The following TNFRSF21 variants were observed in gnomAD, a reference collection of about 807,000 sequenced individuals.
TNFRSF21 encodes tumor necrosis factor receptor superfamily member 21.
TNFRSF21 carries 19 observed loss-of-function variants against 45.6 expected under a neutral mutation model. That is an observed-to-expected ratio of 0.42 (90% CI 0.29 to 0.61). TNFRSF21 has a LOEUF of 0.61. TNFRSF21 is among the 20% of genes least tolerant of loss of function. The probability of loss-of-function intolerance (pLI) is 0.23; values close to 1 mark genes in which losing one functional copy is unlikely to be tolerated. For missense variants in TNFRSF21, 737 were observed against 851.5 expected (o/e 0.87, Z 1.67); for synonymous variants, 314 against 335.5 (o/e 0.94, Z 0.70).
intron 3 of TNFRSF21, among the ~76,000 whole-genome samples, chr6:47,271,182 C>T (rs984438872): frequency 1.7e-4 from 26 of 152,046 alleles, no homozygotes; most frequent in African/African-American, 5.6e-4. Context: ...AGATACTCCT[C>T]GAGAAGAGCA....
chr6:47,306,859 C>G (rs145585915), intron 1 of TNFRSF21, among the ~76,000 whole-genome samples: 2 of 152,078 alleles, frequency 1.3e-5, no homozygotes, highest in Admixed American at 6.5e-5. Context: ...AACTGTAATA[C>G]GTGGGCAGGC....
chr6:47,245,692 A>G (rs9463312), intron 4 of TNFRSF21, among the ~76,000 whole-genome samples: 10,393 of 152,210 alleles, frequency 0.068, 536 homozygotes, highest in African/African-American at 0.14. Flanking sequence ...TGACAATGGT[A>G]TATCTTACAA....
At chr6:47,306,685 A>C (rs1324182711) in intron 1 of TNFRSF21, among the ~76,000 whole-genome samples, 2 of 152,196 alleles carry the variant, frequency 1.3e-5, no homozygotes, top group Non-Finnish European at 2.9e-5. Flanking sequence ...ATAAGCTTAT[A>C]GTAAGCTATT....
intron 4 of TNFRSF21, among the ~76,000 whole-genome samples, chr6:47,236,041 G>A (rs1342776626): frequency 6.6e-6 from 1 of 152,260 alleles, no homozygotes; most frequent in East Asian, 1.9e-4. Context: ...CTGGGGGTGT[G>A]CAGTGGAGAG....
At chr6:47,308,543 G>A (rs891371990) in intron 1 of TNFRSF21, among the ~76,000 whole-genome samples, 2 of 152,248 alleles carry the variant, frequency 1.3e-5, no homozygotes, top group Non-Finnish European at 2.9e-5. Flanking sequence ...GAAGTTGAGG[G>A]TAAGTTTTTG....
chr6:47,289,704 A>C (rs896684721), intron 1 of TNFRSF21, among the ~76,000 whole-genome samples: 1 of 152,174 alleles, frequency 6.6e-6, no homozygotes, highest in East Asian at 1.9e-4. Context: ...ACATTTGTCA[A>C]GAATACCAGC....
At chr6:47,290,473 A>C (rs1169336026) in intron 1 of TNFRSF21, among the ~76,000 whole-genome samples, 2 of 152,138 alleles carry the variant, frequency 1.3e-5, no homozygotes, top group Non-Finnish European at 2.9e-5. Flanking sequence ...TCTAAATCTA[A>C]AGTAAAACCA....
intron 3 of TNFRSF21, among the ~76,000 whole-genome samples, chr6:47,266,795 G>A (rs1762338049): frequency 6.6e-6 from 1 of 152,174 alleles, no homozygotes; most frequent in Admixed American, 6.5e-5. Flanking sequence ...ATAAATATTT[G>A]AATCCAAGAC....
At chr6:47,271,641 C>G (rs1762420950) in intron 3 of TNFRSF21, among the ~76,000 whole-genome samples, 1 of 152,122 alleles carries the variant, frequency 6.6e-6, no homozygotes. Flanking sequence ...ATCATAATGA[C>G]AAGATCAAAC....
chr6:47,281,901 G>T (rs1762572341), intron 3 of TNFRSF21, among the ~76,000 whole-genome samples: 1 of 151,692 alleles, frequency 6.6e-6, no homozygotes, highest in Non-Finnish European at 1.5e-5. Context: ...GTAAATAGTT[G>T]TCTTATTCAA....
At chr6:47,264,617 C>T (rs1056319269) in intron 3 of TNFRSF21, among the ~76,000 whole-genome samples, 1 of 152,164 alleles carries the variant, frequency 6.6e-6, no homozygotes, top group Non-Finnish European at 1.5e-5. Context: ...CTCCCAAGGT[C>T]GAAGGCCATG....
rs576488471 is a variant in TNFRSF21 at position 47,253,777 on chromosome 6, C to G, written c.1244-256G>C. On this transcript the variant is annotated intron_variant, in intron 3 of 5. Coordinates refer to ENST00000296861, the MANE Select transcript of TNFRSF21 (RefSeq NM_014452.5). ...TCATGGAATTATAATAAATCAGACC[C>G]AAAAAGATGTTTCGAAAGCCAAACC... Among the ~76,000 whole-genome samples, 7 of 152,184 alleles carry G rather than the reference C, an allele frequency of 4.6e-5. No individual in the cohort carries two copies. The South Asian group carries it at 1.5e-3, about 32-fold the overall frequency.
At position 47,309,788 on chromosome 6, in the gene TNFRSF21, G is replaced by C. The variant is rs150033175; in HGVS notation, c.-277C>G. Reference sequence around the variant, plus strand: ...CGGGTGCTCTCCTCCGACAGCGGCTGAGGAGAACCAGGGAGGAGGACTGGG... The same window carrying C: ...CGGGTGCTCTCCTCCGACAGCGGCTCAGGAGAACCAGGGAGGAGGACTGGG... On this transcript the variant is annotated 5_prime_UTR_variant, in exon 1 of 6. Coordinates refer to ENST00000296861, the MANE Select transcript of TNFRSF21 (RefSeq NM_014452.5). 1,234 of 379,550 alleles carry C rather than the reference G, an allele frequency of 3.3e-3. 14 individuals are homozygous for C. The highest frequency in any genetic ancestry group is 0.023 in the African/African-American group (1,117 of 47,676). The allele number at this position is 379,550 out of a possible 1,614,324, so 23.5% of individuals were successfully genotyped here.
intron 4 of TNFRSF21, among the ~76,000 whole-genome samples, chr6:47,244,170 A>C (rs547939483): frequency 2.0e-5 from 3 of 152,116 alleles, no homozygotes; most frequent in Non-Finnish European, 4.4e-5. Context: ...AAAATACAAA[A>C]AAAATTAGCC....
At chr6:47,260,988 C>T (rs1765066302) in intron 3 of TNFRSF21, among the ~76,000 whole-genome samples, 1 of 152,216 alleles carries the variant, frequency 6.6e-6, no homozygotes, top group Non-Finnish European at 1.5e-5. Context: ...CCAGGACAGA[C>T]AACTCCACAG....
chr6:47,255,193 G>C (rs1339313685), intron 3 of TNFRSF21, among the ~76,000 whole-genome samples: 1 of 152,214 alleles, frequency 6.6e-6, no homozygotes, highest in Non-Finnish European at 1.5e-5. Flanking sequence ...AGATGAAATG[G>C]TGATGATGAA....
chr6:47,251,374 C>G (rs1345936029), intron 4 of TNFRSF21, among the ~76,000 whole-genome samples: 1 of 151,938 alleles, frequency 6.6e-6, no homozygotes, highest in South Asian at 2.1e-4. Context: ...CAAAAAATAG[C>G]TACTATTAGA....
chr6:47,272,466 A>G (rs531290744), intron 3 of TNFRSF21, among the ~76,000 whole-genome samples: 1 of 152,356 alleles, frequency 6.6e-6, no homozygotes, highest in African/African-American at 2.4e-5. Context: ...TTTGAAACCA[A>G]TGAGAACAAA....
At chr6:47,269,349 T>G (rs1272157291) in intron 3 of TNFRSF21, among the ~76,000 whole-genome samples, 1 of 152,228 alleles carries the variant, frequency 6.6e-6, no homozygotes, top group Non-Finnish European at 1.5e-5. Flanking sequence ...TAAAGCCTAG[T>G]AAGCCCTAGT....
Sources: allele counts gnomAD v4.1 joint callset (sites outside exome capture counted in the v4.1 genomes callset), GRCh38; gene constraint gnomAD v4.1.1; transcripts MANE v1.5; gene names NCBI Gene and HGNC (gene_info 2026-07-23, HGNC 2026-07-21).